The following GFRA1 variants were observed in gnomAD, a reference collection of about 807,000 sequenced individuals.
GFRA1 encodes GDNF family receptor alpha-1.
In GFRA1, 16 loss-of-function variants were observed where a neutral mutation model predicts 51.6. That is an observed-to-expected ratio of 0.31 (90% CI 0.21 to 0.47). GFRA1 has a LOEUF of 0.47. Among genes scored for constraint, GFRA1 ranks in the 20% least tolerant of loss-of-function variants. GFRA1 has a pLI of 1.00. For synonymous variants in GFRA1, 270 were observed against 241.3 expected, an observed-to-expected ratio of 1.12 and a Z score of -1.10; for missense variants, 530 against 594.3, an observed-to-expected ratio of 0.89 and a Z score of 1.13.
At position 116,064,327 on chromosome 10, in the gene GFRA1, A is replaced by ACAAGAGAACAGGAAACAGATAACTTGG; in HGVS notation, c.*44_*70dup. ...GCTCCTAAACTGGAATTTCAGCTAT[A>ACAAGAGAACAGGAAACAGATAACTTGG]CAAGAGAACAGGAAACAGATAACTT... On this transcript the variant is annotated 3_prime_UTR_variant, in exon 11 of 11. Transcript: ENST00000355422. 2.9e-6 allele frequency: 4 copies of ACAAGAGAACAGGAAACAGATAACTTGG among 1,357,592 alleles called. No individual in the cohort carries two copies. The highest frequency in any genetic ancestry group is 4.2e-6 in the Non-Finnish European group (4 of 958,566). 84.1% of individuals were successfully genotyped at this position (1,357,592 alleles called of 1,614,324 possible). A position where few individuals can be genotyped will look rare whatever the true frequency, so the allele number is the denominator to read the frequency against.
At chr10:116,173,085 C>G (rs776676651) in intron 5 of GFRA1, among the ~76,000 whole-genome samples, 1 of 152,160 alleles carries the variant, frequency 6.6e-6, no homozygotes, top group African/African-American at 2.4e-5. Flanking sequence ...ATTCTATGTG[C>G]CTGGTATTGA....
chr10:116,213,042 T>C (rs556304519), intron 4 of GFRA1, among the ~76,000 whole-genome samples: 22 of 152,304 alleles, frequency 1.4e-4, no homozygotes, highest in African/African-American at 5.3e-4. Flanking sequence ...CACTCAGATG[T>C]GAGCCAGTTT....
intron 10 of GFRA1, among the ~76,000 whole-genome samples, chr10:116,065,180 A>G (rs1565548250): frequency 1.3e-5 from 2 of 152,200 alleles, no homozygotes; most frequent in South Asian, 4.1e-4. Context: ...TGGAGAGAGG[A>G]ATGTATCTGC....
chr10:116,260,521 T>G lies in GFRA1; in HGVS notation c.418+8982A>C, dbSNP rs184240145. On this transcript the variant is annotated intron_variant, in intron 4 of 10. Transcript: ENST00000355422. ...CCTGTGGCTGGAGAGCTATCCTGAG[T>G]CATTTTTATTTTTACAACAGCCTAC... 2.6e-3 allele frequency among the ~76,000 whole-genome samples: 398 copies of G among 152,296 alleles called. 1 individual carries two copies. The highest frequency in any genetic ancestry group is 5.2e-3 in the Admixed American group (80 of 15,294).
intron 5 of GFRA1, among the ~76,000 whole-genome samples, chr10:116,128,825 T>C (rs994054401): frequency 6.6e-6 from 1 of 151,316 alleles, no homozygotes; most frequent in Non-Finnish European, 1.5e-5. Flanking sequence ...GCTGTTAAGG[T>C]TTTCCTCTTA....
chr10:116,270,499 T>C (rs1843815656), intron 3 of GFRA1, among the ~76,000 whole-genome samples: 1 of 152,184 alleles, frequency 6.6e-6, no homozygotes, highest in Non-Finnish European at 1.5e-5. Context: ...TGGCTCTCCT[T>C]GGAAAGAAGT....
rs555165977 is a variant in GFRA1, at chr10:116,104,765, A to T, written c.771-8001T>A. 2.0e-5 allele frequency among the ~76,000 whole-genome samples: 3 copies of T among 152,326 alleles called. No individual in the cohort carries two copies. In the East Asian group the frequency reaches 5.8e-4, roughly 29 times the overall value. On this transcript the variant is annotated intron_variant, in intron 6 of 10. Coordinates refer to ENST00000355422, the MANE Select transcript of GFRA1 (RefSeq NM_005264.8). ...TCAGTCAACATTGACAGAGCAGTTG[A>T]CAGGGCTTGACAGGTACTCTCTACC...
At chr10:116,120,444 G>A (rs1589804331) in intron 6 of GFRA1, among the ~76,000 whole-genome samples, 1 of 152,150 alleles carries the variant, frequency 6.6e-6, no homozygotes, top group Middle Eastern at 3.4e-3. Flanking sequence ...AATTAGCCAG[G>A]CATGGTAGCA....
At chr10:116,145,309 A>C (rs1397159060) in intron 5 of GFRA1, among the ~76,000 whole-genome samples, 5 of 152,082 alleles carry the variant, frequency 3.3e-5, no homozygotes, top group Non-Finnish European at 5.9e-5. Context: ...ACTCCTATGA[A>C]TCAATATGAA....
At chr10:116,078,770 C>G (rs1374977017) in intron 9 of GFRA1, among the ~76,000 whole-genome samples, 1 of 152,132 alleles carries the variant, frequency 6.6e-6, no homozygotes, top group Non-Finnish European at 1.5e-5. Context: ...GAAAACGTCA[C>G]AAAGACCATA....
chr10:116,166,055 T>A (rs922821208), intron 5 of GFRA1, among the ~76,000 whole-genome samples: 1 of 152,224 alleles, frequency 6.6e-6, no homozygotes, highest in African/African-American at 2.4e-5. Context: ...AGTATTTGGT[T>A]TTCTGTTCCT....
chr10:116,069,678 T>A (rs1955285367), intron 9 of GFRA1, among the ~76,000 whole-genome samples: 1 of 152,228 alleles, frequency 6.6e-6, no homozygotes, highest in Non-Finnish European at 1.5e-5. Context: ...TAACCTCTGT[T>A]ACCTGGAGTC....
intron 5 of GFRA1, among the ~76,000 whole-genome samples, chr10:116,137,743 G>A (rs1413035597): frequency 2.0e-5 from 3 of 152,156 alleles, no homozygotes; most frequent in African/African-American, 7.2e-5. Context: ...GCACTCAAGA[G>A]GACCAAGGAA....
Position 116,096,776 on chromosome 10 carries a change from A to G in GFRA1, c.771-12T>C, listed in dbSNP as rs749643050. 2 of 1,444,788 alleles carry G rather than the reference A, an allele frequency of 1.4e-6. No individual in the cohort carries two copies. The highest frequency in any genetic ancestry group is 1.2e-5 in the South Asian group (1 of 86,722). The allele number at this position is 1,444,788 out of a possible 1,614,324, so 89.5% of individuals were successfully genotyped here. A position where few individuals can be genotyped will look rare whatever the true frequency, so the allele number is the denominator to read the frequency against. On this transcript the variant is annotated splice_polypyrimidine_tract_variant and intron_variant, in intron 6 of 10. Transcript: ENST00000355422. ...CCGCAAGGCGAGATCTACAATAGGA[A>G]AAAAGGGGTGGGGGGTGGAAATGTG... is the stretch of plus-strand genomic sequence containing the variant.
At chr10:116,165,665 T>A (rs7920486) in intron 5 of GFRA1, among the ~76,000 whole-genome samples, 58,911 of 149,404 alleles carry the variant, frequency 0.39, 11,625 homozygotes, top group South Asian at 0.46. Context: ...TCTCTCACTC[T>A]CACACACACA....
intron 6 of GFRA1, among the ~76,000 whole-genome samples, chr10:116,109,904 A>G (rs976864062): frequency 1.3e-5 from 2 of 152,124 alleles, no homozygotes; most frequent in Non-Finnish European, 2.9e-5. Context: ...CTCCCCCTGT[A>G]TAAAACACAG....
chr10:116,254,319 C>CAAAAA (rs67848241), intron 4 of GFRA1, among the ~76,000 whole-genome samples: 4 of 106,666 alleles, frequency 3.8e-5, no homozygotes, highest in Non-Finnish European at 5.4e-5. Flanking sequence ...GAGCCTCTGT[C>CAAAAA]AAAAAAAAAA....
At chr10:116,092,899 C>T (rs1329438858) in intron 8 of GFRA1, among the ~76,000 whole-genome samples, 1 of 152,216 alleles carries the variant, frequency 6.6e-6, no homozygotes, top group East Asian at 1.9e-4. Flanking sequence ...GCTGGATCGT[C>T]ATCTAGGGTG....
chr10:116,064,040 CATCATCATG>C lies in GFRA1; in HGVS notation c.*349_*357del. ...AGGCCAGAAGTAAAACTGTTAAAAT[CATCATCATG>C]ATCATGATGATCATCATCATGATCA... On this transcript the variant is annotated 3_prime_UTR_variant, in exon 11 of 11. Coordinates refer to ENST00000355422, the MANE Select transcript of GFRA1 (RefSeq NM_005264.8). 1 of 72,328 alleles carries C rather than the reference CATCATCATG, an allele frequency of 1.4e-5. No individual in the cohort carries two copies. The allele number at this position is 72,328 out of a possible 1,614,324, so 4.5% of individuals were successfully genotyped here.
Sources: allele counts gnomAD v4.1 joint callset (sites outside exome capture counted in the v4.1 genomes callset), GRCh38; gene constraint gnomAD v4.1.1; transcripts MANE v1.5; gene names NCBI Gene and HGNC (gene_info 2026-07-23, HGNC 2026-07-21).